The following KDELR1 variants were observed in gnomAD, a reference collection of about 807,000 sequenced individuals.
The protein encoded by KDELR1 is KDEL endoplasmic reticulum protein retention receptor 1, also known as ER lumen protein-retaining receptor 1.
In KDELR1, 16 loss-of-function variants were observed where a neutral mutation model predicts 25.5. That is an observed-to-expected ratio of 0.63 (90% CI 0.43 to 0.95). KDELR1 has a LOEUF of 0.95. Ranked by LOEUF, KDELR1 falls within the 40% of genes least tolerant of loss-of-function variation. The pLI is 0.00. For synonymous variants in KDELR1, 121 were observed against 115.0 expected, an observed-to-expected ratio of 1.05 and a Z score of -0.33; for missense variants, 159 against 265.2, an observed-to-expected ratio of 0.60 and a Z score of 2.78.
intron 3 of KDELR1, among the ~76,000 whole-genome samples, chr19:48,389,179 A>C (rs960676070): frequency 6.6e-6 from 1 of 152,176 alleles, no homozygotes. Context: ...CTGAGGTAGG[A>C]TAATTGCTTG....
intron 1 of KDELR1, 23 bp from the exon 2 acceptor site, chr19:48,390,547 GA>G: frequency 2.1e-6 from 2 of 958,362 alleles, no homozygotes; most frequent in African/African-American, 1.8e-5. Flanking sequence ...GACAGAGAAA[GA>G]GAGAGAGAGA....
chr19:48,392,588 C>T (rs967111727), upstream of KDELR1, among the ~76,000 whole-genome samples: 3 of 152,208 alleles, frequency 2.0e-5, no homozygotes, highest in African/African-American at 2.4e-5. Context: ...CCCTTTACGA[C>T]CCACAGATTT....
upstream of KDELR1, among the ~76,000 whole-genome samples, chr19:48,394,181 C>CTGTG (rs138288378): frequency 6.6e-6 from 1 of 151,556 alleles, no homozygotes; most frequent in Non-Finnish European, 1.5e-5. This position sits in a 1 kb window ranked among gnomAD's most constrained non-coding sequence, Gnocchi z 5.1. Context: ...ACCCCCCACT[C>CTGTG]TGTGTGTGTG....
In KDELR1 at chr19:48,391,409, G is replaced by T. The variant is rs1157553995; in HGVS notation, c.-51C>A. ...GCGGGAGGGAGGCAGGCTGGCGGGG[G>T]GGTGCCCCCCGAGGCTGCTGGTCTG... On this transcript the variant is annotated 5_prime_UTR_variant, in exon 1 of 5. Transcript: ENST00000330720. 6.8e-7 allele frequency: 1 copy of T among 1,466,026 alleles called. No individual in the cohort carries two copies. Among genetic ancestry groups the T allele is most frequent in the East Asian group, 2.5e-5 (1 of 40,468 alleles). The allele number at this position is 1,466,026 out of a possible 1,614,324, so 90.8% of individuals were successfully genotyped here.
At chr19:48,396,751 A>G in the KDELR1 span, among the ~76,000 whole-genome samples, 1 of 151,876 alleles carries the variant, frequency 6.6e-6, no homozygotes, top group Admixed American at 6.5e-5. Context: ...GCCTCGAGGC[A>G]GGGGAGGGGT....
chr19:48,384,420 C>A lies in KDELR1; in HGVS notation c.414G>T (p.Val138=). The A allele has an allele frequency of 6.2e-7, 1 of 1,613,910 alleles. No homozygotes were observed. The highest frequency in any genetic ancestry group is 1.1e-5 in the South Asian group (1 of 91,032). ...SVAILPQLFM[V]SKTGEAETIT... ...TGGTCTCCGCCTCGCCGGTCTTGCTCACCATGAACAGCTGCGGCAAGATGG... is the reference window on the plus strand; with the variant it reads ...TGGTCTCCGCCTCGCCGGTCTTGCTAACCATGAACAGCTGCGGCAAGATGG... The change falls in exon 4 of 5, where the codon GTG becomes GTT. Residue 138 remains valine, a synonymous_variant. Transcript: ENST00000330720. The surrounding 1 kb of genome is among the most constrained non-coding windows in gnomAD (Gnocchi z 4.6).
At position 48,384,841 on chromosome 19, in the gene KDELR1, AG is replaced by A. The variant is rs1229407492; in HGVS notation, c.352-360del. On this transcript the variant is annotated intron_variant, in intron 3 of 4. Transcript: ENST00000330720. This position sits in a 1 kb window ranked among gnomAD's most constrained non-coding sequence, Gnocchi z 4.6. The stretch of plus-strand genomic sequence containing the variant: ...TTGCAATTGCGCCTCTCTGAAAGGC[AG>A]GCTGGGTTGGAATCTTGCCTTGGAA... Among the ~76,000 whole-genome samples the A allele has an allele frequency of 6.6e-6, 1 of 151,912 alleles. No homozygotes were observed. The highest frequency in any genetic ancestry group is 1.9e-4 in the East Asian group (1 of 5,192).
upstream of KDELR1, among the ~76,000 whole-genome samples, chr19:48,392,774 A>C (rs1348052808): frequency 3.3e-5 from 5 of 151,818 alleles, no homozygotes; most frequent in African/African-American, 1.2e-4. Context: ...TGCCCTGCCC[A>C]CACACACACA....
Position 48,384,597 on chromosome 19 carries a change from G to C in KDELR1, c.352-115C>G. ...GGTGGAGAGAAGGAAGGTGATCCAG[G>C]TGCTGCCAAGTGCCAGACACAGTTC... On this transcript the variant is annotated intron_variant, in intron 3 of 4. Coordinates refer to ENST00000330720, the MANE Select transcript of KDELR1 (RefSeq NM_006801.3). The surrounding 1 kb of genome is among the most constrained non-coding windows in gnomAD (Gnocchi z 4.6). The C allele has an allele frequency of 7.8e-7, 1 of 1,280,614 alleles. No individual in the cohort carries two copies. 79.3% of individuals were successfully genotyped at this position (1,280,614 alleles called of 1,614,324 possible). A position where few individuals can be genotyped will look rare whatever the true frequency, so the allele number is the denominator to read the frequency against.
intron 4 of KDELR1, among the ~76,000 whole-genome samples, chr19:48,383,838 C>G (rs530884946): frequency 3.9e-4 from 60 of 152,232 alleles, no homozygotes; most frequent in Non-Finnish European, 6.6e-4. Context: ...CACCATCTCC[C>G]CCACCAGAAT....
upstream of KDELR1, among the ~76,000 whole-genome samples, chr19:48,394,004 G>C (rs1970597896): frequency 6.6e-6 from 1 of 151,956 alleles, no homozygotes; most frequent in Non-Finnish European, 1.5e-5. This position sits in a 1 kb window ranked among gnomAD's most constrained non-coding sequence, Gnocchi z 5.1. Context: ...GTGTCGTGGG[G>C]CTCCCGCTCC....
At chr19:48,393,594 G>T (rs898552032), upstream of KDELR1, among the ~76,000 whole-genome samples, 1 of 152,138 alleles carries the variant, frequency 6.6e-6, no homozygotes, top group East Asian at 1.9e-4. This position sits in a 1 kb window ranked among gnomAD's most constrained non-coding sequence, Gnocchi z 5.6. Context: ...GCAGGAGAAG[G>T]GGTCCCCAGG....
At position 48,383,339 on chromosome 19, in the gene KDELR1, GA is replaced by G; in HGVS notation, c.605-13del. 1 of 1,551,728 alleles carries G rather than the reference GA, an allele frequency of 6.4e-7. No individual in the cohort carries two copies. The highest frequency in any genetic ancestry group is 8.7e-7 in the Non-Finnish European group (1 of 1,147,056). ...CTTCCCCTTTAGGACTGTGAGGAGA[GA>G]AAACAGGGAGGGCATTACCGCTGGG... On this transcript the variant is annotated splice_polypyrimidine_tract_variant and intron_variant, in intron 4 of 4. Coordinates refer to ENST00000330720, the MANE Select transcript of KDELR1 (RefSeq NM_006801.3).
rs368643001 is a variant in KDELR1, at chr19:48,390,405, G to A, written c.192+19C>T. ...CCTCTGCCTCAGTGGGGGCCAGAGA[G>A]GTGGGGTGGAGCCTCTACCTTCATA... On this transcript the variant is annotated intron_variant, in intron 2 of 4. Coordinates refer to ENST00000330720, the MANE Select transcript of KDELR1 (RefSeq NM_006801.3). 1 of 1,577,738 alleles carries A rather than the reference G, an allele frequency of 6.3e-7. No individual in the cohort carries two copies. The highest frequency in any genetic ancestry group is 8.7e-7 in the Non-Finnish European group (1 of 1,147,286).
chr19:48,393,653 C>A (rs1600962606), upstream of KDELR1, among the ~76,000 whole-genome samples: 1 of 152,066 alleles, frequency 6.6e-6, no homozygotes. The surrounding 1 kb of genome is among the most constrained non-coding windows in gnomAD (Gnocchi z 5.6). Flanking sequence ...CAGACGGGGA[C>A]TGAATGTTAA....
chr19:48,390,935 G>C, intron 1 of KDELR1: 1 of 464,324 alleles, frequency 2.2e-6, no homozygotes, highest in Non-Finnish European at 3.9e-6. Flanking sequence ...TTCCCTTCCT[G>C]GCCGCCACGG....
the KDELR1 span, among the ~76,000 whole-genome samples, chr19:48,396,770 T>G: frequency 6.6e-6 from 1 of 151,904 alleles, no homozygotes; most frequent in East Asian, 1.9e-4. Flanking sequence ...GTGGTGGACC[T>G]TTCCCCCGCC....
chr19:48,388,912 G>A (rs1410708084), intron 3 of KDELR1, among the ~76,000 whole-genome samples: 4 of 46,732 alleles, frequency 8.6e-5, no homozygotes, highest in Non-Finnish European at 1.4e-4. Flanking sequence ...AGGAAGAAAG[G>A]AAAGAAAGAA....
At chr19:48,390,003 C>A (rs1970530921) in intron 2 of KDELR1, among the ~76,000 whole-genome samples, 2 of 144,822 alleles carry the variant, frequency 1.4e-5, no homozygotes, top group African/African-American at 5.2e-5. Context: ...GTCCAGGCCC[C>A]CAGCCCCTCC....
Sources: gnomAD v4.1 joint callset for allele counts (sites outside exome capture counted in the v4.1 genomes callset) on GRCh38, gnomAD v4.1.1 for gene constraint, Gnocchi (gnomAD v3.1) non-coding constraint, MANE v1.5 for transcripts, NCBI Gene and HGNC (gene_info 2026-07-23, HGNC 2026-07-21) for gene names.